The following MARCHF4 variants were observed in gnomAD, a reference collection of about 807,000 sequenced individuals.
The protein encoded by MARCHF4 is membrane associated ring-CH-type finger 4, also known as E3 ubiquitin-protein ligase MARCHF4.
A neutral mutation model predicts 43.9 loss-of-function variants in MARCHF4; 14 were observed. The ratio of observed to expected loss-of-function variants is 0.32; its 90% CI spans 0.21 to 0.50. The LOEUF (loss-of-function observed/expected upper bound fraction) is 0.50, where lower values mean the gene tolerates loss of function less well. Among genes scored for constraint, MARCHF4 ranks in the 20% least tolerant of loss-of-function variants. The pLI is 0.98. For missense variants in MARCHF4, 468 were observed against 536.7 expected, an observed-to-expected ratio of 0.87 and a Z score of 1.27; for synonymous variants, 226 against 213.3, an observed-to-expected ratio of 1.06 and a Z score of -0.52.
chr2:216,310,387 G>A (rs1351731409), intron 1 of MARCHF4, among the ~76,000 whole-genome samples: 4 of 151,972 alleles, frequency 2.6e-5, no homozygotes, highest in East Asian at 1.9e-4. Context: ...TCAGCCTCCC[G>A]AGTAGCTGGG....
intron 1 of MARCHF4, among the ~76,000 whole-genome samples, chr2:216,339,125 G>T (rs1692200676): frequency 6.6e-6 from 1 of 152,204 alleles, no homozygotes; most frequent in Non-Finnish European, 1.5e-5. Flanking sequence ...ACCAGTCTTT[G>T]ACCTCAGGAT....
At chr2:216,268,823 A>G (rs1690888163) in intron 3 of MARCHF4, among the ~76,000 whole-genome samples, 1 of 152,170 alleles carries the variant, frequency 6.6e-6, no homozygotes, top group South Asian at 2.1e-4. Context: ...CTAGGAGGAG[A>G]GGAAGGAATT....
At chr2:216,336,408 C>T (rs1559102472) in intron 1 of MARCHF4, among the ~76,000 whole-genome samples, 1 of 152,148 alleles carries the variant, frequency 6.6e-6, no homozygotes, top group East Asian at 1.9e-4. Context: ...AAATGAAAAC[C>T]CATCCACTCA....
At chr2:216,346,464 C>G (rs1692322111) in intron 1 of MARCHF4, among the ~76,000 whole-genome samples, 1 of 152,186 alleles carries the variant, frequency 6.6e-6, no homozygotes, top group Admixed American at 6.5e-5. Context: ...GTAGACACAA[C>G]ACCTGCCCTT....
At chr2:216,330,551 A>G (rs1692068958) in intron 1 of MARCHF4, among the ~76,000 whole-genome samples, 1 of 152,200 alleles carries the variant, frequency 6.6e-6, no homozygotes, top group African/African-American at 2.4e-5. Context: ...GTTCACAATG[A>G]TGACAAAAGT....
intron 1 of MARCHF4, among the ~76,000 whole-genome samples, chr2:216,306,744 A>G (rs911649306): frequency 6.6e-6 from 1 of 152,154 alleles, no homozygotes; most frequent in Admixed American, 6.6e-5. Flanking sequence ...TAGATAAGTG[A>G]ACTGAGGCTA....
intron 1 of MARCHF4, among the ~76,000 whole-genome samples, chr2:216,337,538 T>TA (rs1393852457): frequency 5.3e-5 from 8 of 152,370 alleles, no homozygotes; most frequent in South Asian, 2.1e-4. Flanking sequence ...CTGAATTTTC[T>TA]AAAATTTCCA....
chr2:216,342,099 T>G (rs1692247263), intron 1 of MARCHF4, among the ~76,000 whole-genome samples: 1 of 152,196 alleles, frequency 6.6e-6, no homozygotes, highest in South Asian at 2.1e-4. Flanking sequence ...AGTGTGTATG[T>G]GTGTGTAGAA....
intron 3 of MARCHF4, among the ~76,000 whole-genome samples, chr2:216,267,002 G>T: frequency 6.6e-6 from 1 of 152,118 alleles, no homozygotes; most frequent in Admixed American, 6.5e-5. Flanking sequence ...TTTCTATATC[G>T]AATCAGAGTT....
At position 216,259,691 on chromosome 2, in the gene MARCHF4, G is replaced by A; in HGVS notation, c.866-12C>T. 1 of 1,610,132 alleles carries A rather than the reference G, an allele frequency of 6.2e-7. No individual in the cohort carries two copies. Among genetic ancestry groups the A allele is most frequent in the Non-Finnish European group, 8.5e-7 (1 of 1,177,170 alleles). Reference sequence around the variant, plus strand: ...ATGGATGATGAGACCTGAGGCAGCAGGGAGAGGAGAAACAGAGGCCAAATG... The same window carrying A: ...ATGGATGATGAGACCTGAGGCAGCAAGGAGAGGAGAAACAGAGGCCAAATG... On this transcript the variant is annotated splice_polypyrimidine_tract_variant and intron_variant, in intron 3 of 3. Transcript: ENST00000273067.
intron 3 of MARCHF4, among the ~76,000 whole-genome samples, chr2:216,271,214 G>T (rs1031056414): frequency 1.3e-5 from 2 of 152,124 alleles, no homozygotes; most frequent in South Asian, 2.1e-4. Flanking sequence ...CTCCCAGCCT[G>T]ACTATTTGCA....
chr2:216,348,635 C>G (rs1051895977), intron 1 of MARCHF4, among the ~76,000 whole-genome samples: 3 of 152,124 alleles, frequency 2.0e-5, no homozygotes, highest in Admixed American at 6.5e-5. Context: ...AATGGGCAAC[C>G]AGCAGCCCTG....
At chr2:216,354,928 T>TTTCTTTCTTTCTTTCTTTCTTTC (rs1692467524) in intron 1 of MARCHF4, among the ~76,000 whole-genome samples, 1 of 130,330 alleles carries the variant, frequency 7.7e-6, no homozygotes, top group African/African-American at 3.0e-5. Context: ...TCTTTCTTTC[T>TTTCTTTCTTTCTTTCTTTCTTTC]TTCTTTCTTT....
intron 1 of MARCHF4, among the ~76,000 whole-genome samples, chr2:216,311,292 C>T (rs775602014): frequency 2.2e-4 from 34 of 152,056 alleles, no homozygotes; most frequent in Admixed American, 1.6e-3. Context: ...GAGTCTCACT[C>T]TGTCATCCAG....
At chr2:216,294,834 A>G (rs1691363604) in intron 1 of MARCHF4, among the ~76,000 whole-genome samples, 1 of 152,226 alleles carries the variant, frequency 6.6e-6, no homozygotes, top group African/African-American at 2.4e-5. Context: ...AAATACTAAT[A>G]GCTGAAACTT....
intron 1 of MARCHF4, among the ~76,000 whole-genome samples, chr2:216,349,365 T>G (rs1461246726): frequency 6.6e-6 from 1 of 152,232 alleles, no homozygotes; most frequent in African/African-American, 2.4e-5. Flanking sequence ...TCGATTGTGG[T>G]AATTACATTA....
chr2:216,355,627 T>C (rs1692490724), intron 1 of MARCHF4, among the ~76,000 whole-genome samples: 1 of 152,252 alleles, frequency 6.6e-6, no homozygotes, highest in Non-Finnish European at 1.5e-5. Flanking sequence ...TCACGTACTC[T>C]TTCTGATACT....
intron 1 of MARCHF4, among the ~76,000 whole-genome samples, chr2:216,338,049 A>T (rs1452776265): frequency 6.6e-6 from 1 of 152,184 alleles, no homozygotes; most frequent in African/African-American, 2.4e-5. Flanking sequence ...AAGAGGTAAG[A>T]CTGGAGTTGG....
At chr2:216,303,783 G>T (rs1281365153) in intron 1 of MARCHF4, 2 of 152,196 alleles carry the variant, frequency 1.3e-5, no homozygotes, top group East Asian at 3.8e-4. Flanking sequence ...ATCTCTACTA[G>T]TCTGACAGTT....
Sources: gnomAD v4.1 joint callset for allele counts (sites outside exome capture counted in the v4.1 genomes callset) on GRCh38, gnomAD v4.1.1 for gene constraint, MANE v1.5 for transcripts, NCBI Gene and HGNC (gene_info 2026-07-23, HGNC 2026-07-21) for gene names.